Variants in ANKRD28 observed in about 807,000 individuals in gnomAD.
The protein encoded by ANKRD28 is serine/threonine-protein phosphatase 6 regulatory ankyrin repeat subunit A.
In ANKRD28, 44 loss-of-function variants were observed where a neutral mutation model predicts 126.5. The ratio of observed to expected loss-of-function variants is 0.35; its 90% confidence interval spans 0.27 to 0.45. The LOEUF is 0.45. Ranked by LOEUF, ANKRD28 falls within the 20% of genes least tolerant of loss-of-function variation. ANKRD28 has a pLI of 1.00. For missense variants in ANKRD28, 1,110 were observed against 1,316.6 expected, an observed-to-expected ratio of 0.84 and a Z score of 2.43; for synonymous variants, 442 against 468.5, an observed-to-expected ratio of 0.94 and a Z score of 0.73.
chr3:15,738,010 C>T (rs192132563), intron 4 of ANKRD28, among the ~76,000 whole-genome samples: 16 of 151,948 alleles, frequency 1.1e-4, no homozygotes, highest in Admixed American at 7.9e-4. Context: ...CTCCCAGAAG[C>T]GCATGGAAAA....
intron 2 of ANKRD28, among the ~76,000 whole-genome samples, chr3:15,771,405 G>C (rs965680990): frequency 1.9e-5 from 2 of 102,942 alleles, no homozygotes; most frequent in African/African-American, 6.7e-5. Context: ...GCAAAACTCT[G>C]TCTCAAAAAA....
chr3:15,686,255 T>C lies in ANKRD28; in HGVS notation c.2018A>G (p.Gln673Arg). Reference sequence around the variant, plus strand: ...TCCATCTTGAATATCCACTGCATTCTGTGGTTCTGCATTTCCTATTAATAG... The same window carrying C: ...TCCATCTTGAATATCCACTGCATTCCGTGGTTCTGCATTTCCTATTAATAG... ...LRLLIGNAEP[Q>R]NAVDIQDGNG... Residue 673 changes from glutamine (Q) to arginine (R), a missense_variant, in exon 19 of 28, where the codon CAG becomes CGG. Gln to Arg is a conservative substitution (Grantham distance 43). Coordinates refer to ENST00000683139, the MANE Select transcript of ANKRD28 (RefSeq NM_001349278.2). The C allele has an allele frequency of 6.3e-7, 1 of 1,593,906 alleles. No individual in the cohort carries two copies. The highest frequency in any genetic ancestry group is 8.6e-7 in the Non-Finnish European group (1 of 1,168,878).
chr3:15,744,065 G>C (rs1411435356), intron 4 of ANKRD28, among the ~76,000 whole-genome samples: 1 of 152,224 alleles, frequency 6.6e-6, no homozygotes, highest in Non-Finnish European at 1.5e-5. Flanking sequence ...TCTGTTAAAT[G>C]TAATAAGTAT....
intron 1 of ANKRD28, among the ~76,000 whole-genome samples, chr3:15,847,514 T>C (rs1344347429): frequency 1.3e-5 from 2 of 152,216 alleles, no homozygotes; most frequent in African/African-American, 2.4e-5. Context: ...CACTTCTCCA[T>C]TTAGATGTCC....
At chr3:15,836,733 T>C (rs1308938457) in intron 1 of ANKRD28, among the ~76,000 whole-genome samples, 1 of 152,070 alleles carries the variant, frequency 6.6e-6, no homozygotes, top group East Asian at 1.9e-4. Context: ...AAGAGGAACA[T>C]TTTTTTAACA....
chr3:15,693,405 A>C lies in ANKRD28; in HGVS notation c.1761+1334T>G, dbSNP rs377647729. Reference sequence around the variant, plus strand: ...GTTAACTTGCAAGCACAAAAAGAGAAACTTGCCAAATTGAAGGGTGGGGTA... The same window carrying C: ...GTTAACTTGCAAGCACAAAAAGAGACACTTGCCAAATTGAAGGGTGGGGTA... On this transcript the variant is annotated intron_variant, in intron 17 of 27. Coordinates refer to ENST00000683139, the MANE Select transcript of ANKRD28 (RefSeq NM_001349278.2). Among the ~76,000 whole-genome samples the C allele has an allele frequency of 5.5e-3, 352 of 63,586 alleles. 1 individual carries two copies. Among genetic ancestry groups the C allele is most frequent in the African/African-American group, 0.021 (338 of 15,856 alleles). 41.7% of individuals were successfully genotyped at this position (63,586 alleles called of 152,430 possible).
intron 13 of ANKRD28, 142 bp from the exon 14 acceptor site, chr3:15,708,206 A>G: frequency 2.2e-6 from 2 of 908,578 alleles, no homozygotes; most frequent in Non-Finnish European, 3.2e-6. Flanking sequence ...AGTCTTGCGG[A>G]GGACTGGACA....
rs942827075 is a variant in ANKRD28, at chr3:15,781,523, A to G, written c.201+13700T>C. The G allele has an allele frequency of 2.6e-5, 4 of 152,286 alleles. No homozygotes were observed. The East Asian group carries it at 7.7e-4, about 29-fold the overall frequency. 9.4% of individuals were successfully genotyped at this position (152,286 alleles called of 1,614,324 possible). A position where few individuals can be genotyped will look rare whatever the true frequency, so the allele number is the denominator to read the frequency against. On this transcript the variant is annotated intron_variant, in intron 2 of 27. Transcript: ENST00000683139. ...TACTCTACAAATATATACAATTATG[A>G]TTTGGCAATTAAAACTAATATTAAT...
At position 15,838,048 on chromosome 3, in the gene ANKRD28, C is replaced by A. The variant is rs1199103526; in HGVS notation, c.27+21329G>T. On this transcript the variant is annotated intron_variant, in intron 1 of 27. Coordinates refer to the ANKRD28 transcript ENST00000399451. The surrounding 1 kb of genome is among the most constrained non-coding windows in gnomAD (Gnocchi z 4.0). ...TAAACAACTTAGAAAAAAATAAATT[C>A]TAAGACACAAATTACTGACTCTGAA... Among the ~76,000 whole-genome samples, 2 of 152,020 alleles carry A rather than the reference C, an allele frequency of 1.3e-5. No individual in the cohort carries two copies. Among genetic ancestry groups the A allele is most frequent in the Non-Finnish European group, 2.9e-5 (2 of 67,992 alleles).
Position 15,814,208 on chromosome 3 carries a change from T to C in ANKRD28, c.28-18902A>G, listed in dbSNP as rs929441218. ...TAACAAATTACAAGAGCTGCCTATATTACTGCAAGAGACTACTAGAAAATA... is the reference window on the plus strand; with the variant it reads ...TAACAAATTACAAGAGCTGCCTATACTACTGCAAGAGACTACTAGAAAATA... On this transcript the variant is annotated intron_variant, in intron 1 of 27. Transcript: ENST00000399451. This position sits in a 1 kb window ranked among gnomAD's most constrained non-coding sequence, Gnocchi z 4.7. 5 of 1,159,388 alleles carry C rather than the reference T, an allele frequency of 4.3e-6. No homozygotes were observed. In the Admixed American group the frequency reaches 1.2e-4, roughly 27 times the overall value. The allele number at this position is 1,159,388 out of a possible 1,614,324, so 71.8% of individuals were successfully genotyped here.
At chr3:15,722,099 A>G (rs1439508252) in intron 7 of ANKRD28, among the ~76,000 whole-genome samples, 2 of 152,164 alleles carry the variant, frequency 1.3e-5, no homozygotes, top group Non-Finnish European at 2.9e-5. Context: ...AGTGTGTAGT[A>G]AAGAATCTGA....
At chr3:15,746,272 T>C (rs1190161701) in intron 4 of ANKRD28, among the ~76,000 whole-genome samples, 1 of 152,212 alleles carries the variant, frequency 6.6e-6, no homozygotes, top group Non-Finnish European at 1.5e-5. Flanking sequence ...AAAGTAGGCA[T>C]CCCTGTCTTG....
At chr3:15,745,369 T>C (rs772709077) in intron 4 of ANKRD28, among the ~76,000 whole-genome samples, 3 of 152,228 alleles carry the variant, frequency 2.0e-5, no homozygotes, top group Non-Finnish European at 4.4e-5. Context: ...AAGTCTTTGA[T>C]CCACCTTGAG....
chr3:15,837,288 A>G (rs1393607459), intron 1 of ANKRD28, among the ~76,000 whole-genome samples: 2 of 152,138 alleles, frequency 1.3e-5, no homozygotes, highest in African/African-American at 2.4e-5. Context: ...TCTGAACAAC[A>G]CTATAAATTT....
At chr3:15,790,374 T>C (rs2059972014) in intron 2 of ANKRD28, among the ~76,000 whole-genome samples, 1 of 152,058 alleles carries the variant, frequency 6.6e-6, no homozygotes, top group South Asian at 2.1e-4. Context: ...CTGATGAGTA[T>C]TAATGCAGAA....
chr3:15,712,595 C>T (rs2072461767), intron 10 of ANKRD28, among the ~76,000 whole-genome samples: 1 of 152,188 alleles, frequency 6.6e-6, no homozygotes, highest in African/African-American at 2.4e-5. Context: ...TGGACATTTG[C>T]TTAGGGAGCA....
chr3:15,710,036 G>GTTTTTTTT (rs34686530), intron 12 of ANKRD28, among the ~76,000 whole-genome samples: 1 of 146,336 alleles, frequency 6.8e-6, no homozygotes. Flanking sequence ...TTGCTTATAG[G>GTTTTTTTT]TTTTTTTTTT....
chr3:15,685,762 T>C (rs756190861), intron 20 of ANKRD28, among the ~76,000 whole-genome samples: 1 of 152,204 alleles, frequency 6.6e-6, no homozygotes. Flanking sequence ...AAAAGTCAAA[T>C]TGACATTAAT....
chr3:15,678,495 G>A lies in ANKRD28; in HGVS notation c.2562-141C>T, dbSNP rs1177249630. The A allele has an allele frequency of 5.1e-6, 3 of 593,554 alleles. No individual in the cohort carries two copies. The Admixed American group carries it at 1.2e-4, about 23-fold the overall frequency. The allele number at this position is 593,554 out of a possible 1,614,324, so 36.8% of individuals were successfully genotyped here. ...GCACTGCCTGTACACAAACAAATAG[G>A]CTCAATGGAGCTTACTAATTTCTCT... On this transcript the variant is annotated intron_variant, in intron 23 of 27. Transcript: ENST00000683139.
Sources: gnomAD v4.1 joint callset for allele counts (sites outside exome capture counted in the v4.1 genomes callset) on GRCh38, gnomAD v4.1.1 for gene constraint, Gnocchi (gnomAD v3.1) non-coding constraint, MANE v1.5 for transcripts, NCBI Gene and HGNC (gene_info 2026-07-23, HGNC 2026-07-21) for gene names.